UBAP1: variants seen among roughly 807,000 people sequenced by gnomAD.
The protein encoded by UBAP1 is ubiquitin associated protein 1, also known as ubiquitin-associated protein 1.
UBAP1 carries 5 observed loss-of-function variants against 39.0 expected under a neutral mutation model. That is an observed-to-expected ratio of 0.13 (90% CI 0.07 to 0.27). The LOEUF is 0.27. Among genes scored for constraint, UBAP1 ranks in the 10% least tolerant of loss-of-function variants. UBAP1 has a pLI of 1.00. For synonymous variants in UBAP1, 211 were observed against 225.1 expected, an observed-to-expected ratio of 0.94 and a Z score of 0.56; for missense variants, 490 against 608.1, an observed-to-expected ratio of 0.81 and a Z score of 2.04.
At chr9:34,204,353 A>G (rs1831566250) in intron 1 of UBAP1, among the ~76,000 whole-genome samples, 1 of 152,226 alleles carries the variant, frequency 6.6e-6, no homozygotes, top group African/African-American at 2.4e-5. Context: ...GGAAAATAGT[A>G]TCAAATAGTA....
At chr9:34,208,124 C>T (rs1831812570) in intron 1 of UBAP1, among the ~76,000 whole-genome samples, 1 of 152,040 alleles carries the variant, frequency 6.6e-6, no homozygotes, top group Non-Finnish European at 1.5e-5. Flanking sequence ...ATTATATCAG[C>T]AGAATTGTTA....
chr9:34,224,198 T>C, intron 2 of UBAP1: 1 of 543,240 alleles, frequency 1.8e-6, no homozygotes, highest in Non-Finnish European at 3.3e-6. Context: ...TCATTTTTTG[T>C]TTAAAATCTC....
rs1213678618 is a variant in UBAP1 at position 34,224,067 on chromosome 9, A to G, written c.34+3119A>G. 1.0e-5 allele frequency: 6 copies of G among 590,994 alleles called. No homozygotes were observed. In the South Asian group the frequency reaches 1.3e-4, roughly 13 times the overall value. 36.6% of individuals were successfully genotyped at this position (590,994 alleles called of 1,614,324 possible). Reference sequence around the variant, plus strand: ...AGCACATAGCCGTCTGTTTGGCCACACTGTCCCGGCCTTGAAGTGATGCAC... The same window carrying G: ...AGCACATAGCCGTCTGTTTGGCCACGCTGTCCCGGCCTTGAAGTGATGCAC... On this transcript the variant is annotated intron_variant, in intron 2 of 6. Coordinates refer to ENST00000297661, the MANE Select transcript of UBAP1 (RefSeq NM_016525.5).
At chr9:34,233,808 A>C (rs1211043019) in intron 2 of UBAP1, among the ~76,000 whole-genome samples, 1 of 152,160 alleles carries the variant, frequency 6.6e-6, no homozygotes, top group Non-Finnish European at 1.5e-5. Flanking sequence ...AAAAACTTGA[A>C]GGAGTGAGTC....
At chr9:34,192,606 TTTTTCAA>T (rs1485370072) in intron 1 of UBAP1, among the ~76,000 whole-genome samples, 1 of 152,068 alleles carries the variant, frequency 6.6e-6, no homozygotes, top group Non-Finnish European at 1.5e-5. Context: ...TCTTTTTTTA[TTTTTCAA>T]TTTTCTTTAG....
At chr9:34,185,229 C>T (rs984906947) in intron 1 of UBAP1, among the ~76,000 whole-genome samples, 4 of 152,304 alleles carry the variant, frequency 2.6e-5, no homozygotes, top group South Asian at 2.1e-4. Flanking sequence ...CCACTGCACT[C>T]GGCCCTGTTA....
rs748344392 is a variant in UBAP1 at position 34,241,391 on chromosome 9, C to T, written c.366C>T (p.Ala122=). The change falls in exon 4 of 7, where the codon GCC becomes GCT. Residue 122 remains alanine, a synonymous_variant. Transcript: ENST00000297661. ...CACCTCCTATTAACCCCATCCTCGC[C>T]AGCTTGCAGCACAACAGCATCCTCA... is the stretch of plus-strand genomic sequence containing the variant. ...TMPPPINPIL[A]SLQHNSILTP... The T allele has an allele frequency of 2.2e-5, 35 of 1,565,034 alleles. No individual in the cohort carries two copies. The highest frequency in any genetic ancestry group is 3.7e-5 in the Admixed American group (2 of 54,740).
At chr9:34,196,883 TTCTA>T (rs755627966) in intron 1 of UBAP1, among the ~76,000 whole-genome samples, 2 of 150,172 alleles carry the variant, frequency 1.3e-5, no homozygotes, top group Non-Finnish European at 3.0e-5. Flanking sequence ...TGTATTGTCT[TTCTA>T]ATATTGTTAT....
chr9:34,239,942 A>G (rs538137077), intron 3 of UBAP1, among the ~76,000 whole-genome samples: 1 of 152,162 alleles, frequency 6.6e-6, no homozygotes, highest in Admixed American at 6.5e-5. Context: ...AGTATTCTAC[A>G]TTACTTTGGT....
intron 2 of UBAP1, among the ~76,000 whole-genome samples, chr9:34,222,254 G>A (rs763243515): frequency 1.2e-4 from 18 of 152,186 alleles, no homozygotes; most frequent in Non-Finnish European, 1.8e-4. Flanking sequence ...TCAGAGTGGT[G>A]TAGCGGTGAT....
intron 1 of UBAP1, among the ~76,000 whole-genome samples, chr9:34,218,286 A>AAAAAAAAAAAAAAAAAAAAC (rs1832456261): frequency 7.8e-6 from 1 of 128,238 alleles, no homozygotes; most frequent in African/African-American, 2.9e-5. Context: ...AAAAAAAAAA[A>AAAAAAAAAAAAAAAAAAAAC]AAAAAAAAGC....
intron 4 of UBAP1, among the ~76,000 whole-genome samples, chr9:34,248,495 G>C (rs1473014237): frequency 1.3e-5 from 2 of 152,188 alleles, no homozygotes; most frequent in Non-Finnish European, 2.9e-5. Flanking sequence ...TTGCTCTGTG[G>C]CTGTTGGTTT....
intron 1 of UBAP1, among the ~76,000 whole-genome samples, chr9:34,209,502 C>T (rs942719638): frequency 1.7e-4 from 26 of 152,192 alleles, no homozygotes; most frequent in African/African-American, 6.0e-4. Flanking sequence ...TATTGATATT[C>T]AGTGGTTTGC....
At chr9:34,243,101 T>C (rs1834044863) in intron 4 of UBAP1, among the ~76,000 whole-genome samples, 1 of 152,198 alleles carries the variant, frequency 6.6e-6, no homozygotes, top group South Asian at 2.1e-4. Context: ...CCGAACACCA[T>C]TATTATCTTC....
chr9:34,250,871 G>T, intron 6 of UBAP1, 112 bp downstream of exon 6: 1 of 867,160 alleles, frequency 1.2e-6, no homozygotes, highest in Non-Finnish European at 1.9e-6. Flanking sequence ...AGTGACTACA[G>T]GTACAAGTAT....
At chr9:34,233,733 G>A (rs184305827) in intron 2 of UBAP1, among the ~76,000 whole-genome samples, 1 of 152,272 alleles carries the variant, frequency 6.6e-6, no homozygotes, top group African/African-American at 2.4e-5. Context: ...TTGTAGTGAG[G>A]GTGGGGTAGT....
At chr9:34,219,240 C>T (rs558971940) in intron 1 of UBAP1, among the ~76,000 whole-genome samples, 1 of 152,124 alleles carries the variant, frequency 6.6e-6, no homozygotes, top group African/African-American at 2.4e-5. Flanking sequence ...AGGCATGCAA[C>T]ACCACACCGG....
intron 1 of UBAP1, among the ~76,000 whole-genome samples, chr9:34,203,710 A>G (rs1225263766): frequency 1.3e-5 from 2 of 152,240 alleles, no homozygotes; most frequent in African/African-American, 2.4e-5. Flanking sequence ...TAGCATACAC[A>G]TATTTCATAA....
rs981378598 is a variant in UBAP1, at chr9:34,200,996, G to A, written c.-7-19912G>A. Among the ~76,000 whole-genome samples, 9 of 152,140 alleles carry A rather than the reference G, an allele frequency of 5.9e-5. No individual in the cohort carries two copies. In the South Asian group the frequency reaches 1.5e-3, roughly 25 times the overall value. ...GTGATCTTGGCTCACCGCAATCTCC[G>A]CCTCCCGGGTTCAAGTGATTCTCCT... On this transcript the variant is annotated intron_variant, in intron 1 of 6. Transcript: ENST00000297661.
Sources: allele counts gnomAD v4.1 joint callset (sites outside exome capture counted in the v4.1 genomes callset), GRCh38; gene constraint gnomAD v4.1.1; transcripts MANE v1.5; gene names NCBI Gene and HGNC (gene_info 2026-07-23, HGNC 2026-07-21).